The following SZT2 variants were observed in gnomAD, a reference collection of about 807,000 sequenced individuals.
SZT2 encodes the protein SZT2 subunit of KICSTOR complex.
A neutral mutation model predicts 404.2 loss-of-function variants in SZT2; 216 were observed. The observed-to-expected ratio is 0.53, with a 90% CI of 0.48 to 0.60. The LOEUF (loss-of-function observed/expected upper bound fraction) is 0.60. SZT2 is among the 20% of genes least tolerant of loss of function. The pLI is 0.00. For synonymous variants in SZT2, 1,693 were observed against 1,749.9 expected (o/e 0.97, Z 0.81); for missense variants, 3,857 against 4,459.2 (o/e 0.86, Z 3.85).
In SZT2 at chr1:43,439,240, C is replaced by T. The variant is rs1654801812; in HGVS notation, c.6793-118C>T. ...CCCCCCCGGGGACCATTATTACCCG[C>T]CTGTGTCTTCTCATGCTCCCATATC... On this transcript the variant is annotated intron_variant, in intron 48 of 71. Transcript: ENST00000634258. This position sits in a 1 kb window ranked among gnomAD's most constrained non-coding sequence, Gnocchi z 4.2. The T allele has an allele frequency of 2.0e-6, 3 of 1,517,438 alleles. No individual in the cohort carries two copies. The highest frequency in any genetic ancestry group is 1.2e-5 in the South Asian group (1 of 86,338). The allele number at this position is 1,517,438 out of a possible 1,614,324, so 94.0% of individuals were successfully genotyped here.
rs772160272 is a variant in SZT2 at position 43,420,362 on chromosome 1, C to T, written c.1261+39C>T. On this transcript the variant is annotated intron_variant, in intron 9 of 71. Transcript: ENST00000634258. The surrounding 1 kb of genome is among the most constrained non-coding windows in gnomAD (Gnocchi z 5.1). ...GGCCCTGCTGTAATCCCATAGATCT[C>T]TCAAGAATTTGTGTGTGGGAAGACC... The T allele has an allele frequency of 2.0e-6, 3 of 1,511,422 alleles. No individual in the cohort carries two copies. The highest frequency in any genetic ancestry group is 2.6e-6 in the Non-Finnish European group (3 of 1,133,372). 93.6% of individuals were successfully genotyped at this position (1,511,422 alleles called of 1,614,324 possible). A position where few individuals can be genotyped will look rare whatever the true frequency, so the allele number is the denominator to read the frequency against.
Position 43,451,998 on chromosome 1 carries a change from G to A in SZT2, c.*1518G>A, listed in dbSNP as rs1656488511. ...ATGCGGGTGTTGATGGGCTCCAGCA[G>A]TCCCACGAGGTCCTCCTAGCAGCAT... On this transcript the variant is annotated 3_prime_UTR_variant, in exon 72 of 72. Coordinates refer to ENST00000634258, the MANE Select transcript of SZT2 (RefSeq NM_001365999.1). The A allele has an allele frequency of 1.2e-6, 2 of 1,608,716 alleles. No homozygotes were observed. The highest frequency in any genetic ancestry group is 1.1e-5 in the South Asian group (1 of 90,618).
Position 43,431,534 on chromosome 1 carries a change from C to G in SZT2, c.5088+11C>G, listed in dbSNP as rs757636504. Reference sequence around the variant, plus strand: ...ACCACCATGAATGAGGTGAGCCCCCCACCCCCAACACTGTAACTGATTCCC... The same window carrying G: ...ACCACCATGAATGAGGTGAGCCCCCGACCCCCAACACTGTAACTGATTCCC... On this transcript the variant is annotated intron_variant, in intron 35 of 71. Transcript: ENST00000634258. 17 of 1,614,118 alleles carry G rather than the reference C, an allele frequency of 1.1e-5. No individual in the cohort carries two copies. The East Asian group carries it at 3.1e-4, about 30-fold the overall frequency.
chr1:43,432,998 G>A lies in SZT2; in HGVS notation c.5612G>A (p.Gly1871Asp), dbSNP rs1414473636. 6.2e-7 allele frequency: 1 copy of A among 1,614,018 alleles called. No individual in the cohort carries two copies. Among genetic ancestry groups the A allele is most frequent in the Non-Finnish European group, 8.5e-7 (1 of 1,180,022 alleles). ...AATGCATCTGACACAGGTTATGATG[G>A]TGGCAGCAGTGGCTCAGACAGTGAG... ...SVDSDHLGYD[G>D]GSSGSDSEGP... Residue 1871 changes from glycine (G) to aspartate (D), a missense_variant, in exon 40 of 72, where the codon GGT (glycine) becomes GAT (aspartate). Gly to Asp is a moderately conservative substitution (Grantham distance 94). Coordinates refer to ENST00000634258, the MANE Select transcript of SZT2 (RefSeq NM_001365999.1).
chr1:43,424,324 C>G lies in SZT2; in HGVS notation c.2363C>G (p.Ser788Ter), dbSNP rs769366055. 3.8e-6 allele frequency: 6 copies of G among 1,597,992 alleles called. No individual in the cohort carries two copies. The highest frequency in any genetic ancestry group is 4.2e-6 in the Non-Finnish European group (5 of 1,179,618). ...CGCTCAGCCTCTTCTAGCCTGGCGT[C>G]ACTGTCCCGCTACCTCTACCATCAG... is the stretch of plus-strand genomic sequence containing the variant. Reference protein sequence around the residue: ...SGRSASSSLASLSRYLYHQRW... With the variant: ...SGRSASSSLA Residue 788 changes from serine to a stop codon, truncating the protein, a stop_gained, in exon 16 of 72, where the codon TCA (serine) becomes TGA (stop). Coordinates refer to ENST00000634258, the MANE Select transcript of SZT2 (RefSeq NM_001365999.1). LOFTEE classifies it high-confidence loss of function. The surrounding 1 kb of genome is among the most constrained non-coding windows in gnomAD (Gnocchi z 4.1).
Position 43,447,056 on chromosome 1 carries a change from G to A in SZT2, c.9174G>A (p.Val3058=). 1.2e-6 allele frequency: 2 copies of A among 1,613,910 alleles called. No homozygotes were observed. The highest frequency in any genetic ancestry group is 1.7e-6 in the Non-Finnish European group (2 of 1,180,010). Residue 3058 remains valine, a synonymous_variant, in exon 66 of 72, where the codon GTG becomes GTA. Transcript: ENST00000634258. ...DFHLRLVHQH[V]LGAHLVLRHG... ...ATCTGCGCCTCGTGCATCAGCACGT[G>A]CTAGGTGCCCATCTGGTGCTGCGGC...
chr1:43,404,637 G>A (rs1458538340), intron 4 of SZT2, 87 bp downstream of exon 4: 2 of 1,390,572 alleles, frequency 1.4e-6, no homozygotes, highest in Admixed American at 2.0e-5. Flanking sequence ...TCTGCTGTTT[G>A]TCCCCAAAGT....
intron 1 of SZT2, among the ~76,000 whole-genome samples, chr1:43,391,121 C>A (rs1454678087): frequency 6.6e-6 from 1 of 152,148 alleles, no homozygotes; most frequent in Non-Finnish European, 1.5e-5. Flanking sequence ...TCGAGACCAG[C>A]CTGACCAACA....
At position 43,443,795 on chromosome 1, in the gene SZT2, A is replaced by G. The variant is rs1490336638; in HGVS notation, c.8824A>G (p.Ser2942Gly). 6.2e-7 allele frequency: 1 copy of G among 1,613,076 alleles called. No homozygotes were observed. Among genetic ancestry groups the G allele is most frequent in the South Asian group, 1.1e-5 (1 of 91,024 alleles). Residue 2942 changes from serine (S) to glycine (G), a missense_variant and splice_region_variant, in exon 62 of 72, where the codon AGC becomes GGC. By Grantham distance (56) the Ser-to-Gly change is moderately conservative (BLOSUM62 0). Coordinates refer to ENST00000634258, the MANE Select transcript of SZT2 (RefSeq NM_001365999.1). ...VPLRPPSPAR[S>G]TSRPRAMAIL... ...ACTGCGGCCCCCCTCACCCGCCCGC[A>G]GGTGAGCCCGTCCCTGTTTTCCCTT... is the stretch of plus-strand genomic sequence containing the variant.
At position 43,453,972 on chromosome 1, in the gene SZT2, T is replaced by A; in HGVS notation, c.*3492T>A. 8.4e-7 allele frequency: 1 copy of A among 1,190,394 alleles called. No individual in the cohort carries two copies. Among genetic ancestry groups the A allele is most frequent in the Non-Finnish European group, 1.0e-6 (1 of 961,686 alleles). The allele number at this position is 1,190,394 out of a possible 1,614,324, so 73.7% of individuals were successfully genotyped here. On this transcript the variant is annotated 3_prime_UTR_variant, in exon 72 of 72. Transcript: ENST00000634258. ...GGCCTTCACGAAAAGCGCCTACGGT[T>A]AGCGAGAGAGGGATCACGGGGAGAG...
chr1:43,410,983 C>T (rs1233720405), intron 4 of SZT2, among the ~76,000 whole-genome samples: 1 of 152,058 alleles, frequency 6.6e-6, no homozygotes, highest in Non-Finnish European at 1.5e-5. Context: ...GTGAGGGAGG[C>T]CATTCCTCTT....
rs1283243945 is a variant in SZT2, at chr1:43,431,823, A to G, written c.5196A>G (p.Gly1732=). 6.2e-7 allele frequency: 1 copy of G among 1,614,190 alleles called. No individual in the cohort carries two copies. The highest frequency in any genetic ancestry group is 8.5e-7 in the Non-Finnish European group (1 of 1,180,036). The change falls in exon 36 of 72, where the codon GGA becomes GGG. Residue 1732 remains glycine (G), a synonymous_variant. Transcript: ENST00000634258. ...CTGCCCATATCCATAGTTCTCCTGG[A>G]CGCTCCACCTGCCTTCGCCAAACTC... The part of the protein sequence containing the change: ...RAAAHIHSSP[G]RSTCLRQTLP...
chr1:43,398,153 C>G (rs569117900), intron 1 of SZT2, among the ~76,000 whole-genome samples: 2 of 152,122 alleles, frequency 1.3e-5, no homozygotes, highest in Admixed American at 1.3e-4. Context: ...TACCAAAGAA[C>G]AAAAGGAAAG....
rs1185673111 is a variant in SZT2 at position 43,450,574 on chromosome 1, C to T, written c.*94C>T. The T allele has an allele frequency of 1.5e-5, 23 of 1,552,862 alleles. No homozygotes were observed. The highest frequency in any genetic ancestry group is 1.9e-5 in the Non-Finnish European group (22 of 1,140,758). On this transcript the variant is annotated 3_prime_UTR_variant, in exon 72 of 72. Coordinates refer to ENST00000634258, the MANE Select transcript of SZT2 (RefSeq NM_001365999.1). The surrounding 1 kb of genome is among the most constrained non-coding windows in gnomAD (Gnocchi z 4.3). ...GCAGGACTGACCAGCCCTTCTGGGCCCCAGGGCAAGCCAGACACTGAGTGA... is the reference window on the plus strand; with the variant it reads ...GCAGGACTGACCAGCCCTTCTGGGCTCCAGGGCAAGCCAGACACTGAGTGA...
rs572378582 is a variant in SZT2 at position 43,424,036 on chromosome 1, G to A, written c.2256-181G>A. Among the ~76,000 whole-genome samples, 2 of 151,532 alleles carry A rather than the reference G, an allele frequency of 1.3e-5. No individual in the cohort carries two copies. The highest frequency in any genetic ancestry group is 4.9e-5 in the African/African-American group (2 of 41,216). On this transcript the variant is annotated intron_variant, in intron 15 of 71. Transcript: ENST00000634258. This position sits in a 1 kb window ranked among gnomAD's most constrained non-coding sequence, Gnocchi z 4.1. ...TATGAGTGGTACAGAGGTGTGGAAG[G>A]GCGTGGCTTAGCCGGGTATGAGTGG...
At position 43,431,249 on chromosome 1, in the gene SZT2, T is replaced by C. The variant is rs760467535; in HGVS notation, c.4917-16T>C. The C allele has an allele frequency of 6.9e-6, 11 of 1,594,882 alleles. No individual in the cohort carries two copies. Among genetic ancestry groups the C allele is most frequent in the African/African-American group, 1.3e-5 (1 of 74,252 alleles). On this transcript the variant is annotated splice_polypyrimidine_tract_variant and intron_variant, in intron 33 of 71. Coordinates refer to ENST00000634258, the MANE Select transcript of SZT2 (RefSeq NM_001365999.1). ...ATAGTAACTCCTGACCTTTGACTTG[T>C]TCCCACCCTGTTCAGGTCAACATCT...
Position 43,450,593 on chromosome 1 carries a change from T to C in SZT2, c.*113T>C, listed in dbSNP as rs143663979. ...CTGGGCCCCAGGGCAAGCCAGACAC[T>C]GAGTGACACCAAAGGCTTTGTAACT... On this transcript the variant is annotated 3_prime_UTR_variant, in exon 72 of 72. Transcript: ENST00000634258. This position sits in a 1 kb window ranked among gnomAD's most constrained non-coding sequence, Gnocchi z 4.3. The C allele has an allele frequency of 1.4e-6, 2 of 1,454,042 alleles. No homozygotes were observed. The highest frequency in any genetic ancestry group is 2.8e-5 in the African/African-American group (2 of 71,282). 90.1% of individuals were successfully genotyped at this position (1,454,042 alleles called of 1,614,324 possible). A position where few individuals can be genotyped will look rare whatever the true frequency, so the allele number is the denominator to read the frequency against.
Position 43,453,389 on chromosome 1 carries a change from G to C in SZT2, c.*2909G>C. 1.9e-6 allele frequency: 3 copies of C among 1,550,438 alleles called. No homozygotes were observed. The highest frequency in any genetic ancestry group is 2.6e-6 in the Non-Finnish European group (3 of 1,145,624). ...GGGGTGGGGTGGAGCGGGGTACCTG[G>C]GACAGCCCAGGGCTTTGGCATACCG... On this transcript the variant is annotated 3_prime_UTR_variant, in exon 72 of 72. Coordinates refer to ENST00000634258, the MANE Select transcript of SZT2 (RefSeq NM_001365999.1).
intron 4 of SZT2, chr1:43,409,893 A>G (rs1390450393): frequency 6.6e-6 from 1 of 152,350 alleles, no homozygotes; most frequent in Non-Finnish European, 1.5e-5. Context: ...CATTCTTCAT[A>G]GAAATAGAGA....
Sources: gnomAD v4.1 joint callset for allele counts (sites outside exome capture counted in the v4.1 genomes callset) on GRCh38, gnomAD v4.1.1 for gene constraint, Gnocchi (gnomAD v3.1) non-coding constraint, MANE v1.5 for transcripts, NCBI Gene and HGNC (gene_info 2026-07-23, HGNC 2026-07-21) for gene names.